Variants in TRIP12 observed in about 807,000 individuals in gnomAD.
TRIP12 encodes E3 ubiquitin-protein ligase TRIP12.
Under a neutral mutation model 244.2 loss-of-function variants are expected in TRIP12, and 25 were observed. The observed-to-expected ratio is 0.10, with a 90% CI of 0.07 to 0.14. The LOEUF is 0.14. Among genes scored for constraint, TRIP12 ranks in the 10% least tolerant of loss-of-function variants. The pLI, the probability that TRIP12 is intolerant of heterozygous loss-of-function variation, is 1.00. For missense variants in TRIP12, 1,677 were observed against 2,486.4 expected, an observed-to-expected ratio of 0.67 and a Z score of 6.92; for synonymous variants, 905 against 873.1, an observed-to-expected ratio of 1.04 and a Z score of -0.64.
chr2:229,804,854 T>A (rs941834678), intron 18 of TRIP12, among the ~76,000 whole-genome samples: 31 of 152,200 alleles, frequency 2.0e-4, no homozygotes, highest in Non-Finnish European at 4.3e-4. Flanking sequence ...ATAGACTATA[T>A]ATAACCTGCA....
At chr2:229,912,607 T>C (rs1343338461) in intron 1 of TRIP12, among the ~76,000 whole-genome samples, 2 of 152,182 alleles carry the variant, frequency 1.3e-5, no homozygotes, top group Non-Finnish European at 1.5e-5. Flanking sequence ...TCTCTCTTCA[T>C]AGTCTTCCTA....
rs202128964 is a variant in TRIP12, at chr2:229,803,635, A to C, written c.2934T>G (p.Leu978=). The change falls in exon 20 of 42, where the codon CTT becomes CTG. Residue 978 remains leucine (L), a synonymous_variant. Transcript: ENST00000675903. The part of the protein sequence containing the change: ...SQDLKIVVGA[L]QMAEILMQKL... The stretch of plus-strand genomic sequence containing the variant: ...TCTGCATTAAAATTTCTGCCATCTG[A>C]AGTGCTCCCACTACTATCTTCAGGT... 3.7e-6 allele frequency: 6 copies of C among 1,613,720 alleles called. No individual in the cohort carries two copies. In the East Asian group the frequency reaches 1.1e-4, roughly 30 times the overall value.
chr2:229,914,906 C>T (rs1367215008), intron 1 of TRIP12, among the ~76,000 whole-genome samples: 2 of 152,122 alleles, frequency 1.3e-5, no homozygotes, highest in African/African-American at 4.8e-5. Context: ...ACAGAATAAA[C>T]TACAATGATG....
At chr2:229,881,481 C>G (rs528254414) in intron 1 of TRIP12, among the ~76,000 whole-genome samples, 1 of 152,154 alleles carries the variant, frequency 6.6e-6, no homozygotes, top group African/African-American at 2.4e-5. Context: ...AAATCTATTA[C>G]TGTACTGGAT....
chr2:229,875,628 G>GT (rs1304006170), intron 2 of TRIP12, among the ~76,000 whole-genome samples: 1 of 152,176 alleles, frequency 6.6e-6, no homozygotes, highest in Non-Finnish European at 1.5e-5. Context: ...TTCCACATTT[G>GT]TAAGAGAGAT....
At chr2:229,812,051 G>T (rs186559661) in intron 13 of TRIP12, among the ~76,000 whole-genome samples, 1 of 152,160 alleles carries the variant, frequency 6.6e-6, no homozygotes, top group East Asian at 1.9e-4. Flanking sequence ...CACGCTTTTA[G>T]ACTACAGAAA....
chr2:229,782,526 TCTCCCTAA>T (rs781396677), intron 34 of TRIP12, among the ~76,000 whole-genome samples: 3 of 152,164 alleles, frequency 2.0e-5, no homozygotes, highest in Non-Finnish European at 2.9e-5. Flanking sequence ...TTGTCCTGTG[TCTCCCTAA>T]CTACACTGTA....
chr2:229,883,426 A>G (rs2065278632), intron 1 of TRIP12, among the ~76,000 whole-genome samples: 1 of 152,246 alleles, frequency 6.6e-6, no homozygotes, highest in African/African-American at 2.4e-5. Context: ...AGTGGGAATT[A>G]CACTATTACA....
chr2:229,905,118 T>C (rs2072325105), intron 1 of TRIP12, among the ~76,000 whole-genome samples: 1 of 151,988 alleles, frequency 6.6e-6, no homozygotes, highest in Non-Finnish European at 1.5e-5. Context: ...CTACTAAAAA[T>C]ACAAAATTAG....
intron 2 of TRIP12, among the ~76,000 whole-genome samples, chr2:229,873,511 T>C (rs1255496098): frequency 2.0e-5 from 3 of 152,316 alleles, no homozygotes; most frequent in Non-Finnish European, 4.4e-5. Context: ...GCAATGTTAA[T>C]GTTAGGGTAT....
In TRIP12 at chr2:229,859,557, G is replaced by T. The variant is rs2060137211; in HGVS notation, c.242C>A (p.Ser81Tyr). Residue 81 changes from serine (S) to tyrosine (Y), a missense_variant, in exon 4 of 42, where the codon TCT becomes TAT. By Grantham distance (144) the Ser-to-Tyr change is moderately radical. Transcript: ENST00000675903. ...CTCTGGTTGTGGAACTATCACAGCA[G>T]ATGATGAACTGCAGCTTCTAAGAGG... ...HLSKRSCSSS[S>Y]AVIVPQPEDP... 3 of 1,612,286 alleles carry T rather than the reference G, an allele frequency of 1.9e-6. No individual in the cohort carries two copies. Among genetic ancestry groups the T allele is most frequent in the Non-Finnish European group, 2.5e-6 (3 of 1,178,986 alleles).
At chr2:229,833,831 AC>A (rs1395991720) in intron 6 of TRIP12, among the ~76,000 whole-genome samples, 2 of 151,832 alleles carry the variant, frequency 1.3e-5, no homozygotes, top group East Asian at 1.9e-4. Context: ...CCAAAACAAA[AC>A]AAAAAAAAAA....
At chr2:229,834,109 T>C (rs2054143243) in intron 6 of TRIP12, among the ~76,000 whole-genome samples, 1 of 152,250 alleles carries the variant, frequency 6.6e-6, no homozygotes, top group Non-Finnish European at 1.5e-5. Flanking sequence ...AACAGATATT[T>C]CCCGTTTAGT....
rs2040407468 is a variant in TRIP12 at position 229,787,550 on chromosome 2, A to G, written c.4950T>C (p.Ser1650=). The G allele has an allele frequency of 1.2e-6, 2 of 1,613,974 alleles. No individual in the cohort carries two copies. The highest frequency in any genetic ancestry group is 1.7e-6 in the Non-Finnish European group (2 of 1,179,948). The change falls in exon 33 of 42, where the codon TCT becomes TCC. Residue 1650 remains serine (S), a synonymous_variant. Coordinates refer to ENST00000675903, the MANE Select transcript of TRIP12 (RefSeq NM_001348323.3). The part of the protein sequence containing the change: ...LLDTNPEINQ[S]DSQDSRVAPR... Reference sequence around the variant, plus strand: ...GTGCAACTCTGCTATCTTGAGAATCAGACTGGTTGATTTCTGGGTTGGTAT... The same window carrying G: ...GTGCAACTCTGCTATCTTGAGAATCGGACTGGTTGATTTCTGGGTTGGTAT...
At chr2:229,914,051 T>TGAGGTCAGGAGTTG (rs2074888083) in intron 1 of TRIP12, among the ~76,000 whole-genome samples, 1 of 152,056 alleles carries the variant, frequency 6.6e-6, no homozygotes, top group Non-Finnish European at 1.5e-5. Flanking sequence ...GTGGATTGCC[T>TGAGGTCAGGAGTTG]GAGGTCAGGA....
At chr2:229,830,365 G>A (rs1183390628) in intron 7 of TRIP12, among the ~76,000 whole-genome samples, 1 of 152,086 alleles carries the variant, frequency 6.6e-6, no homozygotes, top group Non-Finnish European at 1.5e-5. Flanking sequence ...CACATTCTTA[G>A]TGTTCCAATA....
At chr2:229,781,917 A>G (rs1299313187) in intron 34 of TRIP12, among the ~76,000 whole-genome samples, 4 of 152,174 alleles carry the variant, frequency 2.6e-5, no homozygotes, top group Non-Finnish European at 5.9e-5. Flanking sequence ...CCATGAAGGA[A>G]GGGCATAAAA....
intron 1 of TRIP12, among the ~76,000 whole-genome samples, chr2:229,904,289 G>A (rs1334753880): frequency 6.6e-6 from 1 of 151,354 alleles, no homozygotes; most frequent in African/African-American, 2.4e-5. Flanking sequence ...ATGGTGGCGT[G>A]AGCCTGTAGT....
intron 29 of TRIP12, 26 bp from the exon 30 acceptor site, chr2:229,791,277 C>T: frequency 6.2e-7 from 1 of 1,611,526 alleles, no homozygotes; most frequent in Non-Finnish European, 8.5e-7. Flanking sequence ...AGTATATAAA[C>T]CAAATGTAGA....
Sources: gnomAD v4.1 joint callset for allele counts (sites outside exome capture counted in the v4.1 genomes callset) on GRCh38, gnomAD v4.1.1 for gene constraint, MANE v1.5 for transcripts, NCBI Gene and HGNC (gene_info 2026-07-23, HGNC 2026-07-21) for gene names.